The following JAZF1 variants were observed in gnomAD, a reference collection of about 807,000 sequenced individuals.
The protein encoded by JAZF1 is JAZF zinc finger 1, also known as juxtaposed with another zinc finger protein 1.
A neutral mutation model predicts 26.4 loss-of-function variants in JAZF1; 8 were observed. The observed-to-expected ratio is 0.30, with a 90% CI of 0.18 to 0.55. The LOEUF (loss-of-function observed/expected upper bound fraction) is 0.55, where lower values mean the gene tolerates loss of function less well. Among genes scored for constraint, JAZF1 ranks in the 20% least tolerant of loss-of-function variants. The pLI is 0.94. For synonymous variants in JAZF1, 126 were observed against 122.3 expected (o/e 1.03, Z -0.20); for missense variants, 199 against 322.0 (o/e 0.62, Z 2.92).
In JAZF1 at chr7:28,180,509, G is replaced by A. The variant is rs2127957518; in HGVS notation, c.69C>T (p.Phe23=). 4 of 1,611,130 alleles carry A rather than the reference G, an allele frequency of 2.5e-6. No individual in the cohort carries two copies. The South Asian group carries it at 4.4e-5, about 18-fold the overall frequency. Residue 23 remains phenylalanine (F), a synonymous_variant, in exon 1 of 5, where the codon TTC becomes TTT. Transcript: ENST00000283928. The part of the protein sequence containing the change: ...TCRFGGCGLH[F]PTLADLIEHI... ...GCTCGATGAGGTCGGCCAGGGTGGG[G>A]AAGTGGAGTCCGCAGCCCCCGAATC...
chr7:28,099,135 T>C (rs917592816), intron 1 of JAZF1, among the ~76,000 whole-genome samples: 2 of 152,214 alleles, frequency 1.3e-5, no homozygotes, highest in Admixed American at 6.5e-5. Context: ...TTATTTGTAG[T>C]ATGGAATGGA....
intron 1 of JAZF1, among the ~76,000 whole-genome samples, chr7:28,013,418 G>T (rs1782831798): frequency 6.6e-6 from 1 of 152,192 alleles, no homozygotes; most frequent in African/African-American, 2.4e-5. Context: ...AAACTTGAGT[G>T]TGCATCAGAA....
chr7:27,892,437 A>G (rs575337551), intron 3 of JAZF1, among the ~76,000 whole-genome samples: 2 of 152,132 alleles, frequency 1.3e-5, no homozygotes, highest in Admixed American at 1.3e-4. Flanking sequence ...AAAATAATAA[A>G]CTCTCACTTT....
At chr7:28,060,482 A>G (rs1045966407) in intron 1 of JAZF1, among the ~76,000 whole-genome samples, 1 of 152,234 alleles carries the variant, frequency 6.6e-6, no homozygotes, top group African/African-American at 2.4e-5. Flanking sequence ...AGCTGACAAG[A>G]GCAACTACCA....
intron 2 of JAZF1, among the ~76,000 whole-genome samples, chr7:27,945,540 AC>A (rs1216738507): frequency 7.9e-5 from 12 of 152,048 alleles, no homozygotes; most frequent in African/African-American, 2.4e-4. Context: ...GTCAAGTTAC[AC>A]CTGTCCGTTT....
At chr7:27,967,891 A>C (rs537138107) in intron 2 of JAZF1, among the ~76,000 whole-genome samples, 1 of 152,356 alleles carries the variant, frequency 6.6e-6, no homozygotes, top group South Asian at 2.1e-4. Flanking sequence ...CCACCATTTT[A>C]TTTTTAAACA....
chr7:28,082,444 C>T (rs990262908), intron 1 of JAZF1, among the ~76,000 whole-genome samples: 1 of 152,166 alleles, frequency 6.6e-6, no homozygotes, highest in Non-Finnish European at 1.5e-5. Context: ...GAGTCTTTGA[C>T]CTTGGGGATC....
chr7:27,913,491 C>T lies in JAZF1; in HGVS notation c.189-18075G>A, dbSNP rs766635622. On this transcript the variant is annotated intron_variant, in intron 2 of 4. Transcript: ENST00000283928. ...GAGGGTGGGGAACAAAGAGACCCCA[C>T]GTGAACAGAGCTTGGTGGGAGGGGC... The T allele has an allele frequency of 3.0e-5, 11 of 362,916 alleles. 1 individual carries two copies. The highest frequency in any genetic ancestry group is 5.1e-5 in the Non-Finnish European group (9 of 177,758). 22.5% of individuals were successfully genotyped at this position (362,916 alleles called of 1,614,324 possible). A position where few individuals can be genotyped will look rare whatever the true frequency, so the allele number is the denominator to read the frequency against.
At chr7:28,040,191 T>C (rs1783365632) in intron 1 of JAZF1, among the ~76,000 whole-genome samples, 1 of 152,246 alleles carries the variant, frequency 6.6e-6, no homozygotes, top group South Asian at 2.1e-4. Flanking sequence ...TACATAATGT[T>C]TGAGCCCTTT....
At chr7:27,989,230 A>G (rs1273347290) in intron 2 of JAZF1, among the ~76,000 whole-genome samples, 2 of 152,236 alleles carry the variant, frequency 1.3e-5, no homozygotes, top group Non-Finnish European at 2.9e-5. Flanking sequence ...AAAACTGGCT[A>G]GCCATATGTA....
At chr7:28,104,467 C>T (rs1265867134) in intron 1 of JAZF1, among the ~76,000 whole-genome samples, 1 of 152,188 alleles carries the variant, frequency 6.6e-6, no homozygotes, top group Non-Finnish European at 1.5e-5. Context: ...TAACAACCTG[C>T]CCTTACATGT....
intron 1 of JAZF1, among the ~76,000 whole-genome samples, chr7:28,159,455 C>A (rs1783243796): frequency 6.6e-6 from 1 of 151,844 alleles, no homozygotes; most frequent in Admixed American, 6.6e-5. Flanking sequence ...GGGTGCAGCA[C>A]AGGAGCAGAG....
Position 27,909,428 on chromosome 7 carries a change from C to A in JAZF1, c.189-14012G>T, listed in dbSNP as rs571883127. Among the ~76,000 whole-genome samples, 88 of 151,476 alleles carry A rather than the reference C, an allele frequency of 5.8e-4. 1 individual carries two copies. The highest frequency in any genetic ancestry group is 2.0e-3 in the African/African-American group (83 of 41,332). ...CAAAAAAAAAAAACCCACCACTGGC[C>A]GGGCGCGGTGGCTCATGCCTGTAAT... On this transcript the variant is annotated intron_variant, in intron 2 of 4. Transcript: ENST00000283928.
intron 2 of JAZF1, among the ~76,000 whole-genome samples, chr7:27,959,002 A>T (rs1236255618): frequency 2.0e-5 from 3 of 152,338 alleles, no homozygotes; most frequent in East Asian, 3.9e-4. Context: ...GTGGCAGAAC[A>T]GTGACAGTAG....
At chr7:27,891,163 T>C (rs7780688) in intron 3 of JAZF1, among the ~76,000 whole-genome samples, 11,862 of 152,280 alleles carry the variant, frequency 0.078, 1,209 homozygotes, top group African/African-American at 0.24. Flanking sequence ...TAATCACATT[T>C]ATTTTTCAAT....
intron 3 of JAZF1, among the ~76,000 whole-genome samples, chr7:27,851,868 C>A (rs769395009): frequency 5.3e-5 from 8 of 152,074 alleles, no homozygotes; most frequent in Non-Finnish European, 1.0e-4. Context: ...GACAGAGGAA[C>A]TGACCTCGGG....
chr7:27,909,418 C>G (rs1784321434), intron 2 of JAZF1, among the ~76,000 whole-genome samples: 1 of 150,526 alleles, frequency 6.6e-6, no homozygotes, highest in Admixed American at 6.6e-5. Context: ...AAAAAAAACC[C>G]ACCACTGGCC....
At chr7:28,005,414 TA>T (rs764502404) in intron 1 of JAZF1, among the ~76,000 whole-genome samples, 4,000 of 137,646 alleles carry the variant, frequency 0.029, 117 homozygotes, top group African/African-American at 0.08. Context: ...AATCATTGCT[TA>T]AAAAAAAAAA....
intron 1 of JAZF1, among the ~76,000 whole-genome samples, chr7:28,059,095 A>C (rs1406084602): frequency 3.3e-5 from 5 of 152,200 alleles, no homozygotes; most frequent in African/African-American, 1.2e-4. Context: ...ATAAGTACAT[A>C]AACATTTAGA....
Sources: allele counts gnomAD v4.1 joint callset (sites outside exome capture counted in the v4.1 genomes callset), GRCh38; gene constraint gnomAD v4.1.1; transcripts MANE v1.5; gene names NCBI Gene and HGNC (gene_info 2026-07-23, HGNC 2026-07-21).